The following LAMB2 variants were observed in gnomAD, a reference collection of about 807,000 sequenced individuals.
LAMB2 encodes the protein laminin subunit beta-2.
Under a neutral mutation model 202.7 loss-of-function variants are expected in LAMB2, and 119 were observed. The ratio of observed to expected loss-of-function variants is 0.59; its 90% CI spans 0.51 to 0.68. The LOEUF (loss-of-function observed/expected upper bound fraction) is 0.68, where lower values mean the gene tolerates loss of function less well. Among genes scored for constraint, LAMB2 ranks in the 30% least tolerant of loss-of-function variants. The pLI, the probability that LAMB2 is intolerant of heterozygous loss-of-function variation, is 0.00. For synonymous variants in LAMB2, 818 were observed against 902.2 expected, an observed-to-expected ratio of 0.91 and a Z score of 1.67; for missense variants, 2,124 against 2,410.6, an observed-to-expected ratio of 0.88 and a Z score of 2.49.
chr3:49,131,432 C>T lies in LAMB2; in HGVS notation c.659G>A (p.Arg220His), dbSNP rs770390029. 8 of 1,614,068 alleles carry T rather than the reference C, an allele frequency of 5.0e-6. No individual in the cohort carries two copies. Among genetic ancestry groups the T allele is most frequent in the Admixed American group, 1.7e-5 (1 of 60,014 alleles). ...GATAGGGATGGCAGGGTCCAGCACACGATAGATGACCTGGAGAAGCAGGGA... is the reference window on the plus strand; with the variant it reads ...GATAGGGATGGCAGGGTCCAGCACATGATAGATGACCTGGAGAAGCAGGGA... ...EPSTEGEVIY[R>H]VLDPAIPIPD... The change falls in exon 6 of 32, where the codon CGT becomes CAT. Residue 220 changes from arginine (R) to histidine (H), a missense_variant. By Grantham distance (29) the Arg-to-His change is conservative. Around this residue, in one of 3 missense-constraint regions of LAMB2, gnomAD observed 256 missense variants for 356.1 expected, o/e 0.72. Coordinates refer to ENST00000305544, the MANE Select transcript of LAMB2 (RefSeq NM_002292.4). The surrounding 1 kb of genome is among the most constrained non-coding windows in gnomAD (Gnocchi z 5.0).
Position 49,130,765 on chromosome 3 carries a change from C to T in LAMB2, c.1011G>A (p.Glu337=), listed in dbSNP as rs772838277. The change falls in exon 8 of 32, where the codon GAG becomes GAA. Residue 337 remains glutamate, a synonymous_variant. Transcript: ENST00000305544. This position sits in a 1 kb window ranked among gnomAD's most constrained non-coding sequence, Gnocchi z 5.0. ...TCCTACAGGCATGACTATGGCCGTC[C>T]TCAGCCGGACGCCAGGGCAGGTCAC... ...FYRDLPWRPA[E]DGHSHACRKC... The T allele has an allele frequency of 1.2e-6, 2 of 1,614,146 alleles. No homozygotes were observed. The highest frequency in any genetic ancestry group is 1.1e-5 in the South Asian group (1 of 91,090).
In LAMB2 at chr3:49,128,470, T is replaced by G; in HGVS notation, c.2006A>C (p.Gln669Pro). Residue 669 changes from glutamine to proline, a missense_variant, in exon 15 of 32, where the codon CAA (glutamine) becomes CCA (proline). Physicochemically the swap from Gln to Pro is moderately conservative, Grantham distance 76. Around this residue, in one of 3 missense-constraint regions of LAMB2, gnomAD observed 1,702 missense variants for 1,896.3 expected, o/e 0.90. Transcript: ENST00000305544. Reference sequence around the variant, plus strand: ...CCAGTGCCCTCACCTGGCATGTGGTTGCAGAGTCCCTTGGATGCGATCATC... The same window carrying G: ...CCAGTGCCCTCACCTGGCATGTGGTGGCAGAGTCCCTTGGATGCGATCATC... ...PKDDRIQGTLQPHARYLIFPN... is the reference protein window; with the variant it reads ...PKDDRIQGTLPPHARYLIFPN... The G allele has an allele frequency of 6.2e-7, 1 of 1,613,978 alleles. No individual in the cohort carries two copies. Among genetic ancestry groups the G allele is most frequent in the South Asian group, 1.1e-5 (1 of 91,062 alleles).
rs1295938905 is a variant in LAMB2 at position 49,121,587 on chromosome 3, T to C, written c.5106A>G (p.Leu1702=). The change falls in exon 31 of 32, where the codon CTA becomes CTG. Residue 1702 remains leucine (L), a synonymous_variant. Transcript: ENST00000305544. ...QGRAQEAEQL[L]RGPLGDQYQT... ...GGTACTGATCACCCAGAGGACCGCG[T>C]AGCAGCTGCAGATGTAGAGGGTTAG... 2.5e-6 allele frequency: 4 copies of C among 1,613,992 alleles called. No homozygotes were observed. Among genetic ancestry groups the C allele is most frequent in the Non-Finnish European group, 2.5e-6 (3 of 1,180,030 alleles).
chr3:49,131,018 AGTTGCCAC>A lies in LAMB2; in HGVS notation c.839_846del (p.Arg280LeufsTer21). Reference sequence around the variant, plus strand: ...TCTGAGGCGTGTCCGTAGCAGAAGCAGTTGCCACGTACAACCAGCTCATAGAGGGCATA... The same window carrying A: ...TCTGAGGCGTGTCCGTAGCAGAAGCAGTACAACCAGCTCATAGAGGGCATA... On this transcript the variant is annotated frameshift_variant, in exon 7 of 32. Coordinates refer to ENST00000305544, the MANE Select transcript of LAMB2 (RefSeq NM_002292.4). LOFTEE classifies it high-confidence loss of function. This position sits in a 1 kb window ranked among gnomAD's most constrained non-coding sequence, Gnocchi z 5.0. 1 of 1,613,974 alleles carries A rather than the reference AGTTGCCAC, an allele frequency of 6.2e-7. No homozygotes were observed. Among genetic ancestry groups the A allele is most frequent in the Non-Finnish European group, 8.5e-7 (1 of 1,180,018 alleles).
rs72936885 is a variant in LAMB2, at chr3:49,121,895, C to T, written c.4924-35G>A. On this transcript the variant is annotated intron_variant, in intron 29 of 31. Coordinates refer to ENST00000305544, the MANE Select transcript of LAMB2 (RefSeq NM_002292.4). ...GTGAGCCAAAGGTTACACAGATCTA[C>T]GGTTCATGCCCATAACCTTGTCCCA... 3.1e-3 allele frequency: 4,957 copies of T among 1,613,630 alleles called. 35 individuals are homozygous for T. The highest frequency in any genetic ancestry group is 0.023 in the African/African-American group (1,724 of 75,052).
In LAMB2 at chr3:49,124,576, T is replaced by TGCTGCGGATTTGTGCCCA; in HGVS notation, c.3128_3145dup (p.Leu1043_Gln1048dup). ...GTGGCACTGGTCAGGAGATGGGCAC[T>TGCTGCGGATTTGTGCCCA]GCTGCGGATTTGTGCCCAGCAGGTT... On this transcript the variant is annotated inframe_insertion, in exon 22 of 32. Transcript: ENST00000305544. 6.2e-7 allele frequency: 1 copy of TGCTGCGGATTTGTGCCCA among 1,613,790 alleles called. No homozygotes were observed. Among genetic ancestry groups the TGCTGCGGATTTGTGCCCA allele is most frequent in the Non-Finnish European group, 8.5e-7 (1 of 1,179,980 alleles).
At position 49,130,825 on chromosome 3, in the gene LAMB2, A is replaced by T. The variant is rs755050242; in HGVS notation, c.951T>A (p.Arg317=). 3.7e-6 allele frequency: 6 copies of T among 1,614,028 alleles called. No individual in the cohort carries two copies. The East Asian group carries it at 8.9e-5, about 24-fold the overall frequency. Residue 317 remains arginine, a synonymous_variant, in exon 8 of 32, where the codon CGT becomes CGA. Coordinates refer to ENST00000305544, the MANE Select transcript of LAMB2 (RefSeq NM_002292.4). This position sits in a 1 kb window ranked among gnomAD's most constrained non-coding sequence, Gnocchi z 5.0. ...CCTGACACTGCTCGCAGTTGAGGCC[A>T]CGTGTGTTGTGTTTGCAGATGCAAG... The part of the protein sequence containing the change: ...HGACICKHNT[R]GLNCEQCQDF...
rs764461781 is a variant in LAMB2 at position 49,123,535 on chromosome 3, A to C, written c.3894T>G (p.Ser1298Arg). The change falls in exon 25 of 32, where the codon AGT becomes AGG. Residue 1298 changes from serine to arginine, a missense_variant. By Grantham distance (110) the Ser-to-Arg change is moderately radical. This residue lies in a region of LAMB2 where 1,702 missense variants were observed against 1,896.3 expected (regional missense o/e 0.90). Transcript: ENST00000305544. ...GTGCAAGCCTATCTCGCTCCAGACC[A>C]CTTAGTGCATGGTTGGCATTGAAGT... ...DENFNANHAL[S>R]GLERDRLALN... 5 of 1,614,164 alleles carry C rather than the reference A, an allele frequency of 3.1e-6. No homozygotes were observed. Among genetic ancestry groups the C allele is most frequent in the Non-Finnish European group, 4.2e-6 (5 of 1,180,024 alleles).
rs781721930 is a variant in LAMB2 at position 49,126,092 on chromosome 3, C to T, written c.2219G>A (p.Arg740His). Residue 740 changes from arginine to histidine, a missense_variant, in exon 17 of 32, where the codon CGC (arginine) becomes CAC (histidine). Around this residue, in one of 3 missense-constraint regions of LAMB2, gnomAD observed 1,702 missense variants for 1,896.3 expected, o/e 0.90. Coordinates refer to ENST00000305544, the MANE Select transcript of LAMB2 (RefSeq NM_002292.4). ...FSGGDAAALE[R>H]QATFERYQCH... ...TTGGTAGCGTTCAAAGGTGGCCTGG[C>T]GCTCCAGGGCAGCAGCATCACCCCC... 34 of 1,613,798 alleles carry T rather than the reference C, an allele frequency of 2.1e-5. No homozygotes were observed. The highest frequency in any genetic ancestry group is 2.3e-5 in the Non-Finnish European group (27 of 1,180,010).
Position 49,121,378 on chromosome 3 carries a change from G to A in LAMB2, c.5261-16C>T, listed in dbSNP as rs1419376813. 6.2e-7 allele frequency: 1 copy of A among 1,614,128 alleles called. No homozygotes were observed. Among genetic ancestry groups the A allele is most frequent in the Non-Finnish European group, 8.5e-7 (1 of 1,180,028 alleles). On this transcript the variant is annotated splice_polypyrimidine_tract_variant and intron_variant, in intron 31 of 31. Coordinates refer to ENST00000305544, the MANE Select transcript of LAMB2 (RefSeq NM_002292.4). The stretch of plus-strand genomic sequence containing the variant: ...CCTTCCAATTCTAGGAAGGGCAGGT[G>A]TCAGTTTAGGGGGGGTTTCCCGCAG...
At position 49,130,390 on chromosome 3, in the gene LAMB2, A is replaced by C; in HGVS notation, c.1066T>G (p.Cys356Gly). Reference protein sequence around the residue: ...KCECHGHTHSCHFDMAVYLAS... With the variant: ...KCECHGHTHSGHFDMAVYLAS... Reference sequence around the variant, plus strand: ...AGGTATACGGCCATGTCGAAGTGGCAGCTGTGGGTGTGCCCATGGCACTCA... The same window carrying C: ...AGGTATACGGCCATGTCGAAGTGGCCGCTGTGGGTGTGCCCATGGCACTCA... The change falls in exon 9 of 32, where the codon TGC becomes GGC. Residue 356 changes from cysteine (C) to glycine (G), a missense_variant. Physicochemically the swap from Cys to Gly is radical, Grantham distance 159. This residue lies in a region of LAMB2 where 256 missense variants were observed against 356.1 expected (regional missense o/e 0.72). Transcript: ENST00000305544. This position sits in a 1 kb window ranked among gnomAD's most constrained non-coding sequence, Gnocchi z 5.0. 6.2e-7 allele frequency: 1 copy of C among 1,614,052 alleles called. No individual in the cohort carries two copies. Among genetic ancestry groups the C allele is most frequent in the Non-Finnish European group, 8.5e-7 (1 of 1,180,034 alleles).
chr3:49,125,889 T>A lies in LAMB2; in HGVS notation c.2346A>T (p.Pro782=). The change falls in exon 18 of 32, where the codon CCA becomes CCT. Residue 782 remains proline, a splice_region_variant and synonymous_variant. Transcript: ENST00000305544. The part of the protein sequence containing the change: ...LSTLIYNGAL[P]CQCNPQGSLS... ...GTGAACCTTGAGGGTTGCACTGACA[T>A]GCTGTGGGGAGGAGGGTTGGGCCAA... 1 of 1,614,080 alleles carries A rather than the reference T, an allele frequency of 6.2e-7. No individual in the cohort carries two copies. Among genetic ancestry groups the A allele is most frequent in the Non-Finnish European group, 8.5e-7 (1 of 1,180,004 alleles).
rs1276311586 is a variant in LAMB2, at chr3:49,125,819, G to A, written c.2416C>T (p.Pro806Ser). 6.2e-7 allele frequency: 1 copy of A among 1,614,154 alleles called. No homozygotes were observed. Among genetic ancestry groups the A allele is most frequent in the South Asian group, 1.1e-5 (1 of 91,084 alleles). ...TCACAGCGGCGCCCAACCACTCCAG[G>A]CTTGCACAGGCACTGACCACCATGA... ...NPHGGQCLCK[P>S]GVVGRRCDLC... is the part of the protein sequence containing the mutation. Residue 806 changes from proline (P) to serine (S), a missense_variant, in exon 18 of 32, where the codon CCT (proline) becomes TCT (serine). Around this residue, in one of 3 missense-constraint regions of LAMB2, gnomAD observed 1,702 missense variants for 1,896.3 expected, o/e 0.90. Coordinates refer to ENST00000305544, the MANE Select transcript of LAMB2 (RefSeq NM_002292.4).
rs750121965 is a variant in LAMB2 at position 49,130,983 on chromosome 3, G to A, written c.882C>T (p.Pro294=). Residue 294 remains proline (P), a synonymous_variant, in exon 7 of 32, where the codon CCC becomes CCT. Coordinates refer to ENST00000305544, the MANE Select transcript of LAMB2 (RefSeq NM_002292.4). This position sits in a 1 kb window ranked among gnomAD's most constrained non-coding sequence, Gnocchi z 5.0. ...CAGCATGGGCTGGTGCCCCTGGGGC[G>A]GGTGCACACTCTGAGGCGTGTCCGT... ...FCYGHASECA[P]APGAPAHAEG... 160 of 1,613,952 alleles carry A rather than the reference G, an allele frequency of 9.9e-5. No individual in the cohort carries two copies. The highest frequency in any genetic ancestry group is 1.2e-4 in the Non-Finnish European group (146 of 1,180,050).
Position 49,123,634 on chromosome 3 carries a change from G to T in LAMB2, c.3798-3C>A, listed in dbSNP as rs905404422. 5.6e-6 allele frequency: 9 copies of T among 1,613,996 alleles called. No homozygotes were observed. Among genetic ancestry groups the T allele is most frequent in the East Asian group, 2.2e-5 (1 of 44,894 alleles). On this transcript the variant is annotated splice_region_variant and splice_polypyrimidine_tract_variant and intron_variant, in intron 24 of 31. Transcript: ENST00000305544. ...CAGTGGCCTCCCCAATTTCACGCCT[G>T]CAATGATGGAGAGGGGGGTGTTTAG...
At position 49,125,741 on chromosome 3, in the gene LAMB2, G is replaced by C. The variant is rs371384656; in HGVS notation, c.2488+6C>G. On this transcript the variant is annotated splice_donor_region_variant and intron_variant, in intron 18 of 31. Coordinates refer to ENST00000305544, the MANE Select transcript of LAMB2 (RefSeq NM_002292.4). ...GCATAGGAGGGAACAAGGGGCAGAA[G>C]AGTACCTTGACAGCCTGTGGGGCCA... The C allele has an allele frequency of 7.2e-5, 116 of 1,613,536 alleles. No individual in the cohort carries two copies. The highest frequency in any genetic ancestry group is 8.9e-5 in the Non-Finnish European group (105 of 1,179,676).
Position 49,125,960 on chromosome 3 carries a change from C to T in LAMB2, c.2344+7G>A. The T allele has an allele frequency of 6.2e-7, 1 of 1,614,158 alleles. No individual in the cohort carries two copies. The highest frequency in any genetic ancestry group is 2.2e-5 in the East Asian group (1 of 44,872). On this transcript the variant is annotated splice_region_variant and intron_variant, in intron 17 of 31. Transcript: ENST00000305544. ...CTGCCCCATCAACCCACATCACAGA[C>T]ACTCACGCAGGGCACCATTGTAGAT...
rs377528849 is a variant in LAMB2 at position 49,126,712 on chromosome 3, C to T, written c.2019-215G>A. Among the ~76,000 whole-genome samples the T allele has an allele frequency of 1.2e-4, 19 of 152,298 alleles. No individual in the cohort carries two copies. In the East Asian group the frequency reaches 3.5e-3, roughly 28 times the overall value. ...ATAAAGGTGGCCCTCTAGAATCATA[C>T]ATCCACCTGTGCAGACTCACTGGAA... On this transcript the variant is annotated intron_variant, in intron 15 of 31. Coordinates refer to ENST00000305544, the MANE Select transcript of LAMB2 (RefSeq NM_002292.4).
chr3:49,132,027 G>A lies in LAMB2; in HGVS notation c.459+89C>T. 7.8e-7 allele frequency: 1 copy of A among 1,276,230 alleles called. No homozygotes were observed. Among genetic ancestry groups the A allele is most frequent in the Non-Finnish European group, 1.1e-6 (1 of 873,868 alleles). The allele number at this position is 1,276,230 out of a possible 1,614,324, so 79.1% of individuals were successfully genotyped here. A position where few individuals can be genotyped will look rare whatever the true frequency, so the allele number is the denominator to read the frequency against. On this transcript the variant is annotated intron_variant, in intron 4 of 31. Coordinates refer to ENST00000305544, the MANE Select transcript of LAMB2 (RefSeq NM_002292.4). The surrounding 1 kb of genome is among the most constrained non-coding windows in gnomAD (Gnocchi z 4.6). ...AGGAGCCTCCTGCATCCATGCTCAA[G>A]GAGGCTGTGTTAAGGAGCTGAGGCT...
Sources: gnomAD v4.1 joint callset for allele counts (sites outside exome capture counted in the v4.1 genomes callset) on GRCh38, gnomAD v4.1.1 for gene constraint, gnomAD v4.1.1 regional missense constraint, Gnocchi (gnomAD v3.1) non-coding constraint, MANE v1.5 for transcripts, NCBI Gene and HGNC (gene_info 2026-07-23, HGNC 2026-07-21) for gene names.